The following DAAM2 variants were observed in gnomAD, a reference collection of about 807,000 sequenced individuals.
The protein encoded by DAAM2 is dishevelled associated activator of morphogenesis 2.
DAAM2 carries 39 observed loss-of-function variants against 120.7 expected under a neutral mutation model. The observed-to-expected ratio is 0.32, with a 90% CI of 0.25 to 0.42. The LOEUF (loss-of-function observed/expected upper bound fraction) is 0.42, where lower values mean the gene tolerates loss of function less well. Ranked by LOEUF, DAAM2 falls within the 10% of genes least tolerant of loss-of-function variation. The pLI, the probability that DAAM2 is intolerant of heterozygous loss-of-function variation, is 1.00. For missense variants in DAAM2, 1,283 were observed against 1,401.7 expected, an observed-to-expected ratio of 0.92 and a Z score of 1.35; for synonymous variants, 488 against 524.9, an observed-to-expected ratio of 0.93 and a Z score of 0.96.
At chr6:39,879,578 C>T in intron 14 of DAAM2, 101 bp downstream of exon 14, 1 of 1,517,024 alleles carries the variant, frequency 6.6e-7, no homozygotes, top group East Asian at 2.2e-5. Flanking sequence ...ACTCTGGGTC[C>T]TTTCTTTGGT....
intron 1 of DAAM2, among the ~76,000 whole-genome samples, chr6:39,807,440 A>C (rs1762041671): frequency 6.6e-6 from 1 of 152,234 alleles, no homozygotes; most frequent in Non-Finnish European, 1.5e-5. Flanking sequence ...GCAGTAAGGC[A>C]GACCAGGGGA....
intron 1 of DAAM2, among the ~76,000 whole-genome samples, chr6:39,836,304 C>T (rs562507649): frequency 1.3e-5 from 2 of 152,146 alleles, no homozygotes; most frequent in Non-Finnish European, 2.9e-5. Flanking sequence ...AAACCTCCCC[C>T]CAGCCTTCCA....
intron 1 of DAAM2, among the ~76,000 whole-genome samples, chr6:39,804,285 G>A (rs1761947246): frequency 6.6e-6 from 1 of 152,172 alleles, no homozygotes; most frequent in South Asian, 2.1e-4. Flanking sequence ...GATACTCCTA[G>A]AAGGTTAGGA....
intron 14 of DAAM2, 164 bp downstream of exon 14, chr6:39,879,641 A>G: frequency 1.1e-6 from 1 of 877,098 alleles, no homozygotes; most frequent in Non-Finnish European, 1.9e-6. Flanking sequence ...TGTGCCAGGC[A>G]GCTCACGGTC....
At chr6:39,797,873 G>A (rs1477667642) in intron 1 of DAAM2, among the ~76,000 whole-genome samples, 5 of 152,216 alleles carry the variant, frequency 3.3e-5, no homozygotes, top group Admixed American at 2.0e-4. Context: ...ATGAACAAAT[G>A]AACAAGATAC....
rs560816637 is a variant in DAAM2, at chr6:39,819,012, G to A, written c.-57+26547G>A. The A allele has an allele frequency of 2.0e-5, 3 of 152,320 alleles. No homozygotes were observed. The East Asian group carries it at 5.8e-4, about 29-fold the overall frequency. The allele number at this position is 152,320 out of a possible 1,614,324, so 9.4% of individuals were successfully genotyped here. Reference sequence around the variant, plus strand: ...CAGTGCCAGGGGGTACAGCCTCAGGGATGTATAACAGGGTTTTCCTCCACA... The same window carrying A: ...CAGTGCCAGGGGGTACAGCCTCAGGAATGTATAACAGGGTTTTCCTCCACA... On this transcript the variant is annotated intron_variant, in intron 1 of 24. Transcript: ENST00000274867.
At chr6:39,809,032 G>C (rs1400128695) in intron 1 of DAAM2, among the ~76,000 whole-genome samples, 1 of 152,222 alleles carries the variant, frequency 6.6e-6, no homozygotes, top group African/African-American at 2.4e-5. Context: ...TGATGGATAA[G>C]AGTTTAATGA....
At chr6:39,884,122 C>T in intron 15 of DAAM2, 53 bp downstream of exon 15, 1 of 942,024 alleles carries the variant, frequency 1.1e-6, no homozygotes, top group Middle Eastern at 2.2e-4. Context: ...ATCCAAACCT[C>T]AGCTTCTCCT....
At chr6:39,806,011 A>T (rs890730019) in intron 1 of DAAM2, among the ~76,000 whole-genome samples, 5 of 152,200 alleles carry the variant, frequency 3.3e-5, no homozygotes, top group African/African-American at 1.2e-4. Context: ...GTTGAATAAC[A>T]TGTGGTCCTT....
intron 1 of DAAM2, among the ~76,000 whole-genome samples, chr6:39,793,801 A>G (rs1200724519): frequency 4.6e-5 from 7 of 152,172 alleles, no homozygotes; most frequent in African/African-American, 9.7e-5. Context: ...CTGCCTGTCA[A>G]TAGCTGGGTT....
At chr6:39,852,493 C>T (rs1425744303) in intron 1 of DAAM2, among the ~76,000 whole-genome samples, 1 of 152,176 alleles carries the variant, frequency 6.6e-6, no homozygotes, top group Non-Finnish European at 1.5e-5. Context: ...TGCCAGGCCT[C>T]GGTCACCCCA....
At chr6:39,896,695 T>C in intron 19 of DAAM2, 117 bp from the exon 20 acceptor site, 1 of 816,936 alleles carries the variant, frequency 1.2e-6, no homozygotes, top group Non-Finnish European at 1.8e-6. Flanking sequence ...TCACTGAGAG[T>C]TGAAGGCATT....
chr6:39,855,895 G>A (rs113049304), intron 1 of DAAM2, among the ~76,000 whole-genome samples: 62 of 152,298 alleles, frequency 4.1e-4, no homozygotes, highest in African/African-American at 1.5e-3. Flanking sequence ...CAGGGAATAG[G>A]AGCCCGTCCA....
intron 1 of DAAM2, among the ~76,000 whole-genome samples, chr6:39,843,189 C>CG (rs1763420285): frequency 1.3e-5 from 2 of 152,070 alleles, no homozygotes; most frequent in South Asian, 2.1e-4. Flanking sequence ...AAGAGCACTG[C>CG]GGGGGGAGTT....
intron 1 of DAAM2, among the ~76,000 whole-genome samples, chr6:39,829,246 G>A (rs1762791681): frequency 6.6e-6 from 1 of 152,228 alleles, no homozygotes; most frequent in Non-Finnish European, 1.5e-5. Flanking sequence ...GTGTGGATGG[G>A]CCTGCACATG....
chr6:39,830,369 G>A lies in DAAM2; in HGVS notation c.-56-25878G>A, dbSNP rs115412261. The stretch of plus-strand genomic sequence containing the variant: ...CCACAGGCTGGAGTCGCTGGGGTCC[G>A]GTGAGTCCTCTGTGACTGTCATTCC... On this transcript the variant is annotated intron_variant, in intron 1 of 24. Transcript: ENST00000274867. Among the ~76,000 whole-genome samples, 347 of 152,236 alleles carry A rather than the reference G, an allele frequency of 2.3e-3. 4 individuals carry two copies. The highest frequency in any genetic ancestry group is 7.6e-3 in the African/African-American group (317 of 41,558).
At position 39,878,397 on chromosome 6, in the gene DAAM2, A is replaced by T; in HGVS notation, c.1361-7A>T. On this transcript the variant is annotated splice_polypyrimidine_tract_variant and splice_region_variant and intron_variant, in intron 12 of 24. Coordinates refer to ENST00000274867, the MANE Select transcript of DAAM2 (RefSeq NM_001201427.2). This position sits in a 1 kb window ranked among gnomAD's most constrained non-coding sequence, Gnocchi z 5.0. ...CTGTTTCCTCTCCCGTCCCACCCCC[A>T]TTCCAGAACACATGGAGCTTGTGAG... The T allele has an allele frequency of 6.2e-7, 1 of 1,611,326 alleles. No individual in the cohort carries two copies.
intron 17 of DAAM2, among the ~76,000 whole-genome samples, chr6:39,890,919 T>C (rs940012755): frequency 7.2e-5 from 11 of 151,758 alleles, no homozygotes; most frequent in African/African-American, 2.4e-4. Context: ...TGAGGTCCAG[T>C]CTTACAAAAT....
intron 1 of DAAM2, among the ~76,000 whole-genome samples, chr6:39,837,771 A>G (rs115212064): frequency 7.2e-4 from 110 of 152,144 alleles, no homozygotes; most frequent in Non-Finnish European, 1.1e-3. Context: ...GAACTTGAGC[A>G]TGAAGGGGAA....
Sources: allele counts gnomAD v4.1 joint callset (sites outside exome capture counted in the v4.1 genomes callset), GRCh38; gene constraint gnomAD v4.1.1; non-coding constraint Gnocchi (gnomAD v3.1); transcripts MANE v1.5; gene names NCBI Gene and HGNC (gene_info 2026-07-23, HGNC 2026-07-21).